The following NRXN3 variants were observed in gnomAD, a reference collection of about 807,000 sequenced individuals.
The protein encoded by NRXN3 is neurexin III.
A neutral mutation model predicts 137.6 loss-of-function variants in NRXN3; 32 were observed. The ratio of observed to expected loss-of-function variants is 0.23; its 90% CI spans 0.18 to 0.31. The LOEUF (loss-of-function observed/expected upper bound fraction) is 0.31. Among genes scored for constraint, NRXN3 ranks in the 10% least tolerant of loss-of-function variants. The probability of loss-of-function intolerance (pLI) is 1.00; values close to 1 mark genes in which losing one functional copy is unlikely to be tolerated. For synonymous variants in NRXN3, 798 were observed against 784.5 expected (o/e 1.02, Z -0.29); for missense variants, 1,574 against 2,062.5 (o/e 0.76, Z 4.59).
chr14:78,250,281 T>C (rs1156264948), intron 2 of NRXN3, among the ~76,000 whole-genome samples: 1 of 152,164 alleles, frequency 6.6e-6, no homozygotes, highest in African/African-American at 2.4e-5. Flanking sequence ...GTTGAAAGGA[T>C]TTAATGAGAT....
At chr14:79,068,699 C>T (rs565021487) in intron 15 of NRXN3, among the ~76,000 whole-genome samples, 2 of 151,998 alleles carry the variant, frequency 1.3e-5, no homozygotes, top group African/African-American at 4.8e-5. Flanking sequence ...ACTATATGTT[C>T]ATTTAAAATG....
chr14:79,251,089 G>A (rs2075859041), intron 15 of NRXN3, among the ~76,000 whole-genome samples: 1 of 152,146 alleles, frequency 6.6e-6, no homozygotes, highest in Non-Finnish European at 1.5e-5. Context: ...AGTTTGTAGA[G>A]GATTTTGAAT....
At chr14:78,729,041 T>C (rs924453077) in intron 8 of NRXN3, among the ~76,000 whole-genome samples, 2 of 152,250 alleles carry the variant, frequency 1.3e-5, no homozygotes, top group African/African-American at 4.8e-5. Context: ...GGGGTTGTTA[T>C]GATGCTTCAA....
At chr14:78,494,255 T>C (rs933780181) in intron 4 of NRXN3, among the ~76,000 whole-genome samples, 2 of 152,166 alleles carry the variant, frequency 1.3e-5, no homozygotes, top group African/African-American at 4.8e-5. Context: ...ATTAGTCCAA[T>C]ATAGGTATTT....
Position 78,509,191 on chromosome 14 carries a change from T to C in NRXN3, c.758-135929T>C, listed in dbSNP as rs147297538. On this transcript the variant is annotated intron_variant, in intron 4 of 20. Coordinates refer to ENST00000335750, the MANE Select transcript of NRXN3 (RefSeq NM_001330195.2). ...ACACATGCTTGTAATCCTAGCTACT[T>C]GGAAGGCTGAGGCAGGAGGATTGCT... 5.7e-4 allele frequency among the ~76,000 whole-genome samples: 87 copies of C among 152,138 alleles called. No homozygotes were observed. In the East Asian group the frequency reaches 0.014, roughly 24 times the overall value.
chr14:79,603,569 T>G (rs1388739998), intron 16 of NRXN3, among the ~76,000 whole-genome samples: 1 of 152,234 alleles, frequency 6.6e-6, no homozygotes, highest in Non-Finnish European at 1.5e-5. Flanking sequence ...CATGTCTCAT[T>G]GCACTTATTC....
intron 19 of NRXN3, among the ~76,000 whole-genome samples, chr14:79,748,050 G>C (rs138251923): frequency 4.6e-5 from 7 of 152,014 alleles, no homozygotes; most frequent in Admixed American, 6.6e-5. Flanking sequence ...CTGTCGGGGA[G>C]GGGGAGGGAG....
At chr14:79,011,510 CAT>C (rs1390504124) in intron 15 of NRXN3, among the ~76,000 whole-genome samples, 1 of 151,160 alleles carries the variant, frequency 6.6e-6, no homozygotes, top group Non-Finnish European at 1.5e-5. Context: ...TTTTCTCTAT[CAT>C]TATCCATGTT....
intron 1 of NRXN3, among the ~76,000 whole-genome samples, chr14:78,187,206 A>C (rs1293109937): frequency 6.6e-6 from 1 of 152,050 alleles, no homozygotes; most frequent in South Asian, 2.1e-4. Flanking sequence ...AATTTGCCCA[A>C]GATCTCTTAG....
chr14:79,269,385 G>C (rs890902061), intron 15 of NRXN3, among the ~76,000 whole-genome samples: 3 of 152,106 alleles, frequency 2.0e-5, no homozygotes, highest in Non-Finnish European at 4.4e-5. Context: ...TTATGATACT[G>C]TAGGAGCTAT....
chr14:79,081,554 G>T (rs1053249794), intron 15 of NRXN3, among the ~76,000 whole-genome samples: 1 of 151,366 alleles, frequency 6.6e-6, no homozygotes, highest in Non-Finnish European at 1.5e-5. Context: ...AGAGGCAGAG[G>T]TTGCAGTGAG....
At chr14:79,122,249 C>A (rs2620389) in intron 15 of NRXN3, among the ~76,000 whole-genome samples, 23 of 152,114 alleles carry the variant, frequency 1.5e-4, no homozygotes, top group African/African-American at 4.8e-4. Flanking sequence ...GATTAATGAG[C>A]AGCAAACAGG....
intron 15 of NRXN3, among the ~76,000 whole-genome samples, chr14:79,002,690 T>C (rs1242512495): frequency 1.3e-5 from 2 of 152,188 alleles, no homozygotes; most frequent in Non-Finnish European, 2.9e-5. Flanking sequence ...CGCATGCATG[T>C]ATCTTTGTAA....
intron 17 of NRXN3, among the ~76,000 whole-genome samples, chr14:79,667,544 G>A (rs1402128294): frequency 6.6e-6 from 1 of 151,874 alleles, no homozygotes; most frequent in Non-Finnish European, 1.5e-5. Flanking sequence ...ATGTAGCACT[G>A]GCTCTTTCTT....
intron 6 of NRXN3, among the ~76,000 whole-genome samples, chr14:78,678,569 G>T (rs2098036367): frequency 6.6e-6 from 1 of 152,036 alleles, no homozygotes; most frequent in African/African-American, 2.4e-5. Flanking sequence ...TTGCCAAATT[G>T]CTTTCCAAAG....
chr14:79,365,304 C>T (rs559899407), intron 15 of NRXN3, among the ~76,000 whole-genome samples: 2 of 152,220 alleles, frequency 1.3e-5, no homozygotes, highest in South Asian at 4.2e-4. Flanking sequence ...CTACTTGGTC[C>T]AGCTGCCTTT....
At chr14:78,985,032 CCCT>C (rs1276380123) in intron 14 of NRXN3, among the ~76,000 whole-genome samples, 2 of 152,172 alleles carry the variant, frequency 1.3e-5, no homozygotes, top group African/African-American at 4.8e-5. Context: ...TGGCCTTTGC[CCCT>C]TAATGCAAGT....
intron 4 of NRXN3, among the ~76,000 whole-genome samples, chr14:78,475,642 A>G (rs1249670981): frequency 6.6e-6 from 1 of 152,190 alleles, no homozygotes; most frequent in Non-Finnish European, 1.5e-5. Flanking sequence ...GACAAATAAC[A>G]GGGCAGACAA....
At chr14:79,355,812 A>G (rs1456073977) in intron 15 of NRXN3, among the ~76,000 whole-genome samples, 1 of 152,152 alleles carries the variant, frequency 6.6e-6, no homozygotes, top group African/African-American at 2.4e-5. Context: ...CCTCAAACAT[A>G]TCTTTTCTAT....
Sources: gnomAD v4.1 joint callset for allele counts (sites outside exome capture counted in the v4.1 genomes callset) on GRCh38, gnomAD v4.1.1 for gene constraint, MANE v1.5 for transcripts, NCBI Gene and HGNC (gene_info 2026-07-23, HGNC 2026-07-21) for gene names.